Variants in MTA3 observed in about 807,000 individuals in gnomAD.
MTA3 encodes metastasis associated 1 family member 3.
A neutral mutation model predicts 83.5 loss-of-function variants in MTA3; 34 were observed. The observed-to-expected ratio is 0.41, with a 90% CI of 0.31 to 0.54. The LOEUF (loss-of-function observed/expected upper bound fraction) is 0.54. Among genes scored for constraint, MTA3 ranks in the 20% least tolerant of loss-of-function variants. The pLI, the probability that MTA3 is intolerant of heterozygous loss-of-function variation, is 0.33. For synonymous variants in MTA3, 303 were observed against 252.7 expected (o/e 1.20, Z -1.89); for missense variants, 761 against 726.4 (o/e 1.05, Z -0.55).
chr2:42,547,931 G>C (rs1223964973), intron 2 of MTA3, among the ~76,000 whole-genome samples: 2 of 152,080 alleles, frequency 1.3e-5, no homozygotes, highest in Non-Finnish European at 2.9e-5. Context: ...ATTAAGCTAG[G>C]TTGCAGTTCG....
At position 42,644,143 on chromosome 2, in the gene MTA3, C is replaced by T. The variant is rs766544204; in HGVS notation, c.398C>T (p.Ser133Leu). 6.2e-7 allele frequency: 1 copy of T among 1,602,984 alleles called. No homozygotes were observed. Among genetic ancestry groups the T allele is most frequent in the Non-Finnish European group, 8.5e-7 (1 of 1,174,682 alleles). ...YLDKEDTFFY[S>L]LVYDPSLKTL... ...ATTTTTCAGGATACCTTCTTCTACT[C>T]ATTGGTCTATGACCCCTCATTGAAA... Residue 133 changes from serine to leucine, a missense_variant, in exon 6 of 17, where the codon TCA (serine) becomes TTA (leucine). By Grantham distance (145) the Ser-to-Leu change is moderately radical. Coordinates refer to ENST00000405094, the MANE Select transcript of MTA3 (RefSeq NM_001330442.2).
intron 3 of MTA3, among the ~76,000 whole-genome samples, chr2:42,589,380 T>A (rs968600320): frequency 6.6e-6 from 1 of 152,200 alleles, no homozygotes; most frequent in Non-Finnish European, 1.5e-5. Flanking sequence ...AACTGTGGAT[T>A]TAATTTGTTC....
intron 2 of MTA3, among the ~76,000 whole-genome samples, chr2:42,501,797 G>A (rs76452639): frequency 3.9e-5 from 6 of 152,102 alleles, no homozygotes; most frequent in Non-Finnish European, 5.9e-5. Context: ...GGGCAACATG[G>A]TGAAACCCTG....
Position 42,682,435 on chromosome 2 carries a change from A to G in MTA3, c.737A>G (p.Tyr246Cys). 2 of 1,611,082 alleles carry G rather than the reference A, an allele frequency of 1.2e-6. No individual in the cohort carries two copies. Among genetic ancestry groups the G allele is most frequent in the Middle Eastern group, 1.7e-4 (1 of 6,060 alleles). Residue 246 changes from tyrosine (Y) to cysteine (C), a missense_variant, in exon 9 of 17, where the codon TAT (tyrosine) becomes TGT (cysteine). Transcript: ENST00000405094. ...HAMDTLYRHSYDLSSAISVLV... is the reference protein window; with the variant it reads ...HAMDTLYRHSCDLSSAISVLV... Reference sequence around the variant, plus strand: ...ATGGATACATTGTATAGACACAGCTATGATTTGAGCAGTGCCATTAGTGTC... The same window carrying G: ...ATGGATACATTGTATAGACACAGCTGTGATTTGAGCAGTGCCATTAGTGTC...
chr2:42,642,458 C>G (rs553219273), intron 5 of MTA3, among the ~76,000 whole-genome samples: 1 of 151,902 alleles, frequency 6.6e-6, no homozygotes, highest in Admixed American at 6.6e-5. Context: ...GAGTTTGAGA[C>G]CAGCCCAGGC....
intron 2 of MTA3, among the ~76,000 whole-genome samples, chr2:42,578,317 G>C (rs1316016284): frequency 6.6e-6 from 1 of 152,096 alleles, no homozygotes; most frequent in Admixed American, 6.6e-5. Flanking sequence ...CAGGAGCCTG[G>C]GCCCCAGCTG....
At position 42,568,701 on chromosome 2, in the gene MTA3, C is replaced by T; in HGVS notation, c.-45C>T. 3 of 1,197,980 alleles carry T rather than the reference C, an allele frequency of 2.5e-6. No homozygotes were observed. The highest frequency in any genetic ancestry group is 3.1e-6 in the Non-Finnish European group (3 of 966,808). 74.2% of individuals were successfully genotyped at this position (1,197,980 alleles called of 1,614,324 possible). A position where few individuals can be genotyped will look rare whatever the true frequency, so the allele number is the denominator to read the frequency against. On this transcript the variant is annotated 5_prime_UTR_variant, in exon 1 of 17. Transcript: ENST00000405094. ...GCTGAGGCTGAGGAGGAGGCGGCGG[C>T]GGCGGGCGGGGCTCGGCTCGGGCTC...
At chr2:42,710,549 CAAAAAAA>C (rs765315082) in intron 14 of MTA3, among the ~76,000 whole-genome samples, 6,347 of 61,156 alleles carry the variant, frequency 0.1, 183 homozygotes, top group South Asian at 0.21. Flanking sequence ...AACTTCATCT[CAAAAAAA>C]AAAAAAAAAA....
chr2:42,719,649 C>G (rs946975319), intron 15 of MTA3, among the ~76,000 whole-genome samples: 4 of 152,296 alleles, frequency 2.6e-5, no homozygotes, highest in Non-Finnish European at 5.9e-5. Flanking sequence ...GCTGGGATTA[C>G]AGATGTGAGC....
chr2:42,608,817 G>T (rs2104076702), intron 3 of MTA3, among the ~76,000 whole-genome samples: 2 of 152,184 alleles, frequency 1.3e-5, no homozygotes, highest in East Asian at 3.9e-4. Flanking sequence ...CTAGGTGGTG[G>T]TGTTTGCAGT....
intron 2 of MTA3, among the ~76,000 whole-genome samples, chr2:42,534,872 C>T (rs1334069654): frequency 2.0e-5 from 3 of 152,050 alleles, no homozygotes; most frequent in East Asian, 1.9e-4. Flanking sequence ...ATCCGCTAGC[C>T]TTGGCCTCCC....
intron 4 of MTA3, among the ~76,000 whole-genome samples, chr2:42,620,404 G>C (rs958185706): frequency 2.0e-5 from 3 of 152,108 alleles, no homozygotes; most frequent in African/African-American, 7.2e-5. Flanking sequence ...ACAGGAATGA[G>C]CTACCGTGCC....
At chr2:42,671,282 A>G (rs1284196471) in intron 8 of MTA3, among the ~76,000 whole-genome samples, 1 of 152,140 alleles carries the variant, frequency 6.6e-6, no homozygotes, top group Non-Finnish European at 1.5e-5. Flanking sequence ...TAACATTTTT[A>G]CAGTATTTTT....
intron 4 of MTA3, among the ~76,000 whole-genome samples, chr2:42,637,918 G>A (rs1306503553): frequency 2.0e-5 from 3 of 151,992 alleles, no homozygotes; most frequent in African/African-American, 7.3e-5. Flanking sequence ...TTCAGTGTCC[G>A]TTAACCCTTA....
intron 3 of MTA3, among the ~76,000 whole-genome samples, chr2:42,607,459 A>G (rs1187960917): frequency 1.3e-5 from 2 of 152,030 alleles, no homozygotes; most frequent in Non-Finnish European, 2.9e-5. Context: ...AGCTCACAGC[A>G]CCTTCCACCT....
chr2:42,645,329 A>G (rs564285905), intron 6 of MTA3, among the ~76,000 whole-genome samples: 1 of 152,270 alleles, frequency 6.6e-6, no homozygotes, highest in South Asian at 2.1e-4. Flanking sequence ...GTTCGAGACC[A>G]GCCTGGCCAA....
chr2:42,651,945 A>G (rs1573481276), intron 6 of MTA3, among the ~76,000 whole-genome samples: 1 of 151,970 alleles, frequency 6.6e-6, no homozygotes, highest in African/African-American at 2.4e-5. Flanking sequence ...AATACAAAAA[A>G]ATTAGCTGGT....
intron 14 of MTA3, among the ~76,000 whole-genome samples, chr2:42,711,775 A>AGTGTGTGTTTGT (rs372997456): frequency 0.041 from 5,654 of 139,374 alleles, 240 homozygotes; most frequent in Middle Eastern, 0.088. Context: ...TGTATAGGAG[A>AGTGTGTGTTTGT]GAGAGAGAGT....
chr2:42,579,002 T>A (rs1036368626), intron 2 of MTA3, 105 bp from the exon 3 acceptor site: 3 of 699,020 alleles, frequency 4.3e-6, no homozygotes, highest in Non-Finnish European at 7.0e-6. Context: ...TTGGCACCAG[T>A]GTTAATGAGC....
Sources: gnomAD v4.1 joint callset for allele counts (sites outside exome capture counted in the v4.1 genomes callset) on GRCh38, gnomAD v4.1.1 for gene constraint, MANE v1.5 for transcripts, NCBI Gene and HGNC (gene_info 2026-07-23, HGNC 2026-07-21) for gene names.